Variants in PRKCH observed in about 807,000 individuals in gnomAD.
PRKCH encodes the protein protein kinase C eta, also known as protein kinase C eta type.
In PRKCH, 28 loss-of-function variants were observed where a neutral mutation model predicts 82.5. The ratio of observed to expected loss-of-function variants is 0.34; its 90% CI spans 0.25 to 0.47. PRKCH has a LOEUF of 0.47. Ranked by LOEUF, PRKCH falls within the 20% of genes least tolerant of loss-of-function variation. The pLI, the probability that PRKCH is intolerant of heterozygous loss-of-function variation, is 1.00. For synonymous variants in PRKCH, 322 were observed against 327.4 expected (o/e 0.98, Z 0.18); for missense variants, 705 against 881.8 (o/e 0.80, Z 2.54).
chr14:61,438,959 C>G (rs542539751), intron 2 of PRKCH, among the ~76,000 whole-genome samples: 1 of 152,300 alleles, frequency 6.6e-6, no homozygotes, highest in African/African-American at 2.4e-5. Context: ...GGGCTCCAGG[C>G]CAGCACCCCT....
chr14:61,404,460 T>TACACCCACCCAC (rs1881828860), intron 2 of PRKCH, among the ~76,000 whole-genome samples: 1 of 149,024 alleles, frequency 6.7e-6, no homozygotes, highest in African/African-American at 2.6e-5. Context: ...CATCCATCCA[T>TACACCCACCCAC]CCATCCACCC....
At chr14:61,508,078 G>A (rs2027176) in intron 10 of PRKCH, among the ~76,000 whole-genome samples, 5,746 of 152,074 alleles carry the variant, frequency 0.038, 364 homozygotes, top group African/African-American at 0.13. Flanking sequence ...ACAGCTTTTT[G>A]TATGTCAGTT....
chr14:61,194,956 A>G (rs1340977258), intron 1 of PRKCH, among the ~76,000 whole-genome samples: 1 of 151,964 alleles, frequency 6.6e-6, no homozygotes, highest in African/African-American at 2.4e-5. Flanking sequence ...CTGGTCTCGA[A>G]CTCCTGACCT....
At chr14:61,303,808 T>C (rs1408550225) in intron 1 of PRKCH, 1 of 149,716 alleles carries the variant, frequency 6.7e-6, no homozygotes, top group Non-Finnish European at 1.5e-5. Context: ...CTTAGTATTC[T>C]AATTCATTTA....
intron 1 of PRKCH, among the ~76,000 whole-genome samples, chr14:61,384,492 T>A (rs1270733800): frequency 6.6e-6 from 1 of 151,608 alleles, no homozygotes; most frequent in Non-Finnish European, 1.5e-5. Context: ...GAAGATTGAA[T>A]GGCCTTCCTG....
intron 1 of PRKCH, among the ~76,000 whole-genome samples, chr14:61,339,872 A>G (rs938758263): frequency 4.6e-5 from 7 of 151,684 alleles, no homozygotes; most frequent in Admixed American, 2.0e-4. Context: ...TCATAGAGAC[A>G]GAAAGGTCCT....
chr14:61,329,260 A>T (rs985948200), intron 1 of PRKCH, among the ~76,000 whole-genome samples: 3 of 3,004 alleles, frequency 1.0e-3, no homozygotes, highest in African/African-American at 1.2e-3. Flanking sequence ...TTTTTGAGAC[A>T]GAATCTCTCT....
At chr14:61,457,122 G>C in intron 7 of PRKCH, 54 bp from the exon 8 acceptor site, 1 of 1,592,544 alleles carries the variant, frequency 6.3e-7, no homozygotes, top group Non-Finnish European at 8.6e-7. Flanking sequence ...TTCGTGCATG[G>C]GTGCTCCATG....
intron 12 of PRKCH, among the ~76,000 whole-genome samples, chr14:61,547,291 G>A (rs2043270298): frequency 6.6e-6 from 1 of 152,072 alleles, no homozygotes; most frequent in Non-Finnish European, 1.5e-5. Flanking sequence ...TCTCCTCTCT[G>A]TGGTCTCGTC....
At chr14:61,400,736 G>C (rs78003685) in intron 2 of PRKCH, among the ~76,000 whole-genome samples, 3,283 of 152,278 alleles carry the variant, frequency 0.022, 74 homozygotes, top group East Asian at 0.082. Flanking sequence ...CCTAGTAACT[G>C]AGTACCTCTA....
intron 1 of PRKCH, among the ~76,000 whole-genome samples, chr14:61,197,189 T>C (rs2044447582): frequency 6.6e-6 from 1 of 152,200 alleles, no homozygotes; most frequent in Non-Finnish European, 1.5e-5. Flanking sequence ...CTGATTTTCA[T>C]CTCCTTTGAA....
intron 10 of PRKCH, among the ~76,000 whole-genome samples, chr14:61,514,874 C>G (rs2042800548): frequency 6.6e-6 from 1 of 152,218 alleles, no homozygotes; most frequent in South Asian, 2.1e-4. Context: ...TTCTCTCTGC[C>G]TGCCTCTTTT....
intron 10 of PRKCH, among the ~76,000 whole-genome samples, chr14:61,490,848 G>T (rs1013311659): frequency 3.1e-4 from 47 of 152,150 alleles, no homozygotes; most frequent in African/African-American, 1.1e-3. Context: ...AGCACGGGAG[G>T]TGTAGGTTGC....
chr14:61,481,102 CTG>C (rs1427843489), intron 9 of PRKCH, among the ~76,000 whole-genome samples: 1 of 152,208 alleles, frequency 6.6e-6, no homozygotes, highest in Non-Finnish European at 1.5e-5. Context: ...ACTTAACACA[CTG>C]TGGCGATGTG....
chr14:61,278,148 C>G (rs1013094738), intron 1 of PRKCH: 1 of 152,060 alleles, frequency 6.6e-6, no homozygotes, highest in African/African-American at 2.4e-5. Context: ...ACATGTTGCT[C>G]TCAACTACAT....
At chr14:61,258,105 A>C (rs1195630080) in intron 1 of PRKCH, among the ~76,000 whole-genome samples, 1 of 152,236 alleles carries the variant, frequency 6.6e-6, no homozygotes. Context: ...CGCAATAGTT[A>C]ATTTGCTCTA....
At chr14:61,433,061 A>AAAAAAAAAAC (rs1883497541) in intron 2 of PRKCH, among the ~76,000 whole-genome samples, 1 of 138,990 alleles carries the variant, frequency 7.2e-6, no homozygotes, top group East Asian at 2.1e-4. Context: ...AAAAAAAAAA[A>AAAAAAAAAAC]CTATCAAAAA....
intron 1 of PRKCH, among the ~76,000 whole-genome samples, chr14:61,360,630 C>G (rs769513838): frequency 7.2e-5 from 11 of 152,134 alleles, no homozygotes; most frequent in South Asian, 2.1e-4. Context: ...TGATTTGTAT[C>G]GTTGGATAAT....
intron 2 of PRKCH, among the ~76,000 whole-genome samples, chr14:61,415,008 C>G (rs1003351958): frequency 6.6e-6 from 1 of 152,124 alleles, no homozygotes; most frequent in Non-Finnish European, 1.5e-5. Context: ...GGGACACTCT[C>G]AGTGGTTACC....
Sources: allele counts gnomAD v4.1 joint callset (sites outside exome capture counted in the v4.1 genomes callset), GRCh38; gene constraint gnomAD v4.1.1; transcripts MANE v1.5; gene names NCBI Gene and HGNC (gene_info 2026-07-23, HGNC 2026-07-21).